The following AFF3 variants were observed in gnomAD, a reference collection of about 807,000 sequenced individuals.
The protein encoded by AFF3 is AF4/FMR2 family member 3.
A neutral mutation model predicts 129.7 loss-of-function variants in AFF3; 32 were observed. The ratio of observed to expected loss-of-function variants is 0.25; its 90% CI spans 0.19 to 0.33. AFF3 has a LOEUF of 0.33. Ranked by LOEUF, AFF3 falls within the 10% of genes least tolerant of loss-of-function variation. The pLI, the probability that AFF3 is intolerant of heterozygous loss-of-function variation, is 1.00. For missense variants in AFF3, 1,373 were observed against 1,592.0 expected (o/e 0.86, Z 2.34); for synonymous variants, 644 against 635.4 (o/e 1.01, Z -0.20).
intron 7 of AFF3, among the ~76,000 whole-genome samples, chr2:99,958,833 C>T (rs1225186043): frequency 6.6e-6 from 1 of 152,002 alleles, no homozygotes; most frequent in Non-Finnish European, 1.5e-5. Flanking sequence ...ATTATCAAGG[C>T]CGGGTGCGGT....
Position 99,628,492 on chromosome 2 carries a change from G to A in AFF3, c.1184+21134C>T, listed in dbSNP as rs546130401. On this transcript the variant is annotated intron_variant, in intron 13 of 24. Coordinates refer to ENST00000672756, the MANE Select transcript of AFF3 (RefSeq NM_001386135.1). ...ATGGGGGTTTTCTAGATACAGGATCGTGTCATCTGCAAACAAAGATAATTT... is the reference window on the plus strand; with the variant it reads ...ATGGGGGTTTTCTAGATACAGGATCATGTCATCTGCAAACAAAGATAATTT... Among the ~76,000 whole-genome samples, 110 of 152,100 alleles carry A rather than the reference G, an allele frequency of 7.2e-4. 1 individual carries two copies. The South Asian group carries it at 0.022, about 31-fold the overall frequency.
intron 11 of AFF3, among the ~76,000 whole-genome samples, chr2:99,710,515 G>A (rs527960501): frequency 7.9e-5 from 12 of 152,104 alleles, no homozygotes; most frequent in African/African-American, 2.9e-4. Flanking sequence ...CCAAAGTGTT[G>A]GTATTACAGG....
At chr2:99,998,814 A>C (rs1681107798) in intron 7 of AFF3, among the ~76,000 whole-genome samples, 1 of 152,336 alleles carries the variant, frequency 6.6e-6, no homozygotes, top group African/African-American at 2.4e-5. Context: ...ACTAAATGGC[A>C]TGCAGAGAAA....
intron 15 of AFF3, among the ~76,000 whole-genome samples, chr2:99,587,816 C>T (rs1678277315): frequency 6.6e-6 from 1 of 152,028 alleles, no homozygotes. Flanking sequence ...TCAACACCAT[C>T]CTGGCCAACA....
chr2:99,568,782 T>C (rs1676214007), intron 19 of AFF3, 70 bp downstream of exon 19: 25 of 1,432,674 alleles, frequency 1.7e-5, no homozygotes, highest in Non-Finnish European at 2.2e-5. Flanking sequence ...CCCAGCTATA[T>C]TGTCCCAGTG....
At chr2:100,013,947 C>T (rs1016826525) in intron 4 of AFF3, among the ~76,000 whole-genome samples, 4 of 152,116 alleles carry the variant, frequency 2.6e-5, no homozygotes, top group Non-Finnish European at 5.9e-5. Context: ...CATTAGCCTG[C>T]TCCAATCTCT....
intron 12 of AFF3, among the ~76,000 whole-genome samples, chr2:99,654,529 A>G (rs932327553): frequency 6.6e-6 from 1 of 152,248 alleles, no homozygotes; most frequent in Non-Finnish European, 1.5e-5. Context: ...AAAAGTACTC[A>G]TAGTAAACTA....
At chr2:99,800,769 G>A (rs1300865102) in intron 8 of AFF3, among the ~76,000 whole-genome samples, 1 of 152,158 alleles carries the variant, frequency 6.6e-6, no homozygotes. Context: ...ATTGATCCAT[G>A]CAACAACATG....
intron 11 of AFF3, among the ~76,000 whole-genome samples, chr2:99,695,938 G>GAAAAAAAAAAAAAAAAAAAAAACAAAA (rs1676196316): frequency 3.5e-5 from 2 of 57,650 alleles, no homozygotes; most frequent in Non-Finnish European, 5.9e-5. Context: ...CTGGAAAAAT[G>GAAAAAAAAAAAAAAAAAAAAAACAAAA]AAAAAAAAAA....
chr2:99,732,347 C>CA (rs35379808), intron 10 of AFF3, among the ~76,000 whole-genome samples: 4,451 of 74,606 alleles, frequency 0.06, 95 homozygotes, highest in Middle Eastern at 0.088. Context: ...GACTCTGTCT[C>CA]AAAAAAAAAA....
intron 10 of AFF3, among the ~76,000 whole-genome samples, chr2:99,738,764 C>A (rs931282789): frequency 6.6e-6 from 1 of 152,056 alleles, no homozygotes; most frequent in African/African-American, 2.4e-5. Flanking sequence ...GTGAAGGATT[C>A]ATTTAGGGCT....
chr2:99,887,355 ATCATCTT>A (rs1693190182), intron 7 of AFF3, among the ~76,000 whole-genome samples: 1 of 152,210 alleles, frequency 6.6e-6, no homozygotes, highest in Non-Finnish European at 1.5e-5. Context: ...TGTTATTAGA[ATCATCTT>A]TCAGCAAGAA....
intron 7 of AFF3, among the ~76,000 whole-genome samples, chr2:99,867,686 C>T (rs1452321598): frequency 1.3e-5 from 2 of 151,934 alleles, no homozygotes; most frequent in African/African-American, 4.8e-5. Context: ...TTGCTAATGT[C>T]TTGTTCTTTC....
At position 100,142,479 on chromosome 2, in the gene AFF3, C is replaced by T. The variant is rs1020683523; in HGVS notation, c.-228+5G>A. The T allele has an allele frequency of 6.6e-5, 10 of 152,400 alleles. No homozygotes were observed. Among genetic ancestry groups the T allele is most frequent in the African/African-American group, 2.4e-4 (10 of 41,474 alleles). 9.4% of individuals were successfully genotyped at this position (152,400 alleles called of 1,614,324 possible). On this transcript the variant is annotated splice_donor_5th_base_variant and intron_variant, in intron 1 of 24. Coordinates refer to ENST00000672756, the MANE Select transcript of AFF3 (RefSeq NM_001386135.1). ...GGGCCCGCACACCCTCCAGTTTGATCTTACCTCTCAGCTCCCGTTCCTTTT... is the reference window on the plus strand; with the variant it reads ...GGGCCCGCACACCCTCCAGTTTGATTTTACCTCTCAGCTCCCGTTCCTTTT...
At chr2:99,643,026 G>GT (rs1372962365) in intron 13 of AFF3, among the ~76,000 whole-genome samples, 2 of 141,408 alleles carry the variant, frequency 1.4e-5, no homozygotes, top group African/African-American at 2.6e-5. Flanking sequence ...TTTTTTAAAA[G>GT]TTTTTTATTC....
chr2:100,133,801 C>T (rs992197067), intron 1 of AFF3, among the ~76,000 whole-genome samples: 11 of 152,096 alleles, frequency 7.2e-5, no homozygotes, highest in African/African-American at 2.2e-4. Context: ...GGCATGGTGG[C>T]GGACGCCTGT....
At chr2:99,791,712 G>A (rs1685199690) in intron 8 of AFF3, among the ~76,000 whole-genome samples, 2 of 152,094 alleles carry the variant, frequency 1.3e-5, no homozygotes, top group South Asian at 2.1e-4. Context: ...CTGGCCCAAT[G>A]TGCATGTTTC....
At chr2:100,104,727 C>T in intron 3 of AFF3, 1 of 962,292 alleles carries the variant, frequency 1.0e-6, no homozygotes, top group Non-Finnish European at 1.2e-6. Context: ...GCCGCGCCGC[C>T]GCCGCCCCCC....
intron 7 of AFF3, among the ~76,000 whole-genome samples, chr2:99,918,745 AC>A (rs2106236275): frequency 6.6e-6 from 1 of 152,300 alleles, no homozygotes; most frequent in South Asian, 2.1e-4. Context: ...TGAAACCAAA[AC>A]CCAGTAGAAG....
Sources: allele counts gnomAD v4.1 joint callset (sites outside exome capture counted in the v4.1 genomes callset), GRCh38; gene constraint gnomAD v4.1.1; transcripts MANE v1.5; gene names NCBI Gene and HGNC (gene_info 2026-07-23, HGNC 2026-07-21).